The following RNF123 variants were observed in gnomAD, a reference collection of about 807,000 sequenced individuals.
RNF123 encodes E3 ubiquitin-protein ligase RNF123.
In RNF123, 86 loss-of-function variants were observed where a neutral mutation model predicts 168.5. The observed-to-expected ratio is 0.51, with a 90% CI of 0.43 to 0.61. The LOEUF is 0.61. RNF123 is among the 20% of genes least tolerant of loss of function. The pLI is 0.00. For synonymous variants in RNF123, 666 were observed against 689.1 expected, an observed-to-expected ratio of 0.97 and a Z score of 0.52; for missense variants, 1,419 against 1,729.7, an observed-to-expected ratio of 0.82 and a Z score of 3.19.
chr3:49,714,969 G>A (rs2080211086), intron 31 of RNF123, among the ~76,000 whole-genome samples: 1 of 152,282 alleles, frequency 6.6e-6, no homozygotes, highest in Non-Finnish European at 1.5e-5. Flanking sequence ...TGCAAGTGGA[G>A]AGCGGCAGTG....
chr3:49,712,437 C>A (rs1447552024), intron 26 of RNF123, 42 bp from the exon 27 acceptor site: 1 of 1,605,308 alleles, frequency 6.2e-7, no homozygotes, highest in Non-Finnish European at 8.5e-7. Context: ...CCCAAGACCC[C>A]ACTGGTGCGC....
At position 49,721,217 on chromosome 3, in the gene RNF123, A is replaced by C; in HGVS notation, c.3857A>C (p.Lys1286Thr). Residue 1286 changes from lysine to threonine, a missense_variant, in exon 39 of 39, where the codon AAG (lysine) becomes ACG (threonine). Transcript: ENST00000327697. ...ATCAACCAGCACCTGATGAACAACA[A>C]GGACTGCTTCTTCTGCAAAACCACC... ...ACINQHLMNN[K>T]DCFFCKTTIV... 6.2e-7 allele frequency: 1 copy of C among 1,614,200 alleles called. No individual in the cohort carries two copies. The highest frequency in any genetic ancestry group is 8.5e-7 in the Non-Finnish European group (1 of 1,180,022).
intron 33 of RNF123, 35 bp downstream of exon 33, chr3:49,716,045 G>A (rs1264189437): frequency 6.2e-7 from 1 of 1,613,600 alleles, no homozygotes; most frequent in Non-Finnish European, 8.5e-7. Context: ...TGGGACCCTG[G>A]GGATGCCCCA....
At position 49,698,814 on chromosome 3, in the gene RNF123, C is replaced by G; in HGVS notation, c.630C>G (p.Ser210=). The change falls in exon 9 of 39, where the codon TCC becomes TCG. Residue 210 remains serine, a synonymous_variant. Transcript: ENST00000327697. The part of the protein sequence containing the change: ...CLIDLDDGTL[S]FCLNGVSLGT... ...TTGACCTGGATGATGGCACTCTGTCCTTCTGCCTGTGAGTTTCCTATCTCT... is the reference window on the plus strand; with the variant it reads ...TTGACCTGGATGATGGCACTCTGTCGTTCTGCCTGTGAGTTTCCTATCTCT... 6.2e-7 allele frequency: 1 copy of G among 1,613,950 alleles called. No individual in the cohort carries two copies.
At chr3:49,691,600 G>A in intron 3 of RNF123, 91 bp downstream of exon 3, 1 of 992,276 alleles carries the variant, frequency 1.0e-6, no homozygotes, top group Middle Eastern at 2.4e-4. Flanking sequence ...CTGGGCTCTG[G>A]ACAGATAGGC....
intron 3 of RNF123, among the ~76,000 whole-genome samples, chr3:49,696,642 C>CTTTTT (rs35074575): frequency 1.7e-5 from 2 of 117,958 alleles, no homozygotes; most frequent in East Asian, 5.0e-4. Flanking sequence ...TGGCCACATA[C>CTTTTT]TTTTTTTTTT....
At position 49,715,711 on chromosome 3, in the gene RNF123, A is replaced by G. The variant is rs753419948; in HGVS notation, c.3147A>G (p.Gln1049=). The stretch of plus-strand genomic sequence containing the variant: ...TCTCTGAATTCATTGGCATGATCCA[A>G]GAGGTGGGCTGTGGTGGGGCCTCGT... ...WAFSEFIGMI[Q]EIQQAAERLE... is the part of the protein sequence containing the mutation. The change falls in exon 32 of 39, where the codon CAA becomes CAG. Residue 1049 remains glutamine (Q), a synonymous_variant. Transcript: ENST00000327697. The G allele has an allele frequency of 3.6e-5, 58 of 1,614,134 alleles. No individual in the cohort carries two copies. Among genetic ancestry groups the G allele is most frequent in the Non-Finnish European group, 4.8e-5 (57 of 1,180,060 alleles).
rs751762057 is a variant in RNF123 at position 49,706,052 on chromosome 3, G to A, written c.2375G>A (p.Arg792Gln). Residue 792 changes from arginine (R) to glutamine (Q), a missense_variant, in exon 25 of 39, where the codon CGG (arginine) becomes CAG (glutamine). By Grantham distance (43) the Arg-to-Gln change is conservative (BLOSUM62 1). Around this residue, in one of 5 missense-constraint regions of RNF123, gnomAD observed 538 missense variants for 708.8 expected, o/e 0.76. Coordinates refer to ENST00000327697, the MANE Select transcript of RNF123 (RefSeq NM_022064.5). Reference protein sequence around the residue: ...ALRDTEDKLRRCPKRRKDILA... With the variant: ...ALRDTEDKLRQCPKRRKDILA... The stretch of plus-strand genomic sequence containing the variant: ...AGGGACACAGAGGACAAGCTCCGCC[G>A]GTGCCCCAAGAGGGTAAGGCCCACA... 1.1e-5 allele frequency: 18 copies of A among 1,613,968 alleles called. No individual in the cohort carries two copies. The South Asian group carries it at 1.2e-4, about 11-fold the overall frequency.
intron 27 of RNF123, chr3:49,713,280 C>A: frequency 1.7e-6 from 1 of 597,184 alleles, no homozygotes. Context: ...GGGTTTGAGC[C>A]CAGGTCAGGG....
intron 26 of RNF123, among the ~76,000 whole-genome samples, chr3:49,709,838 G>A (rs905929316): frequency 2.6e-5 from 4 of 152,204 alleles, no homozygotes; most frequent in Non-Finnish European, 5.9e-5. Flanking sequence ...TTCCCAAAGT[G>A]CTGGGATTGC....
At chr3:49,713,232 A>G (rs1454020523) in intron 27 of RNF123, 2 of 589,314 alleles carry the variant, frequency 3.4e-6, no homozygotes, top group Admixed American at 3.0e-5. Flanking sequence ...TGAGTGCCCA[A>G]GGAGCTTTGA....
At chr3:49,717,743 G>C in intron 35 of RNF123, 1 of 630,250 alleles carries the variant, frequency 1.6e-6, no homozygotes, top group Non-Finnish European at 2.7e-6. Context: ...TGGGTCCTGT[G>C]CAGGGGCAGA....
rs976532206 is a variant in RNF123 at position 49,716,728 on chromosome 3, T to C, written c.3500+251T>C. 85 of 484,300 alleles carry C rather than the reference T, an allele frequency of 1.8e-4. No homozygotes were observed. The Middle Eastern group carries it at 6.7e-3, about 38-fold the overall frequency. 30.0% of individuals were successfully genotyped at this position (484,300 alleles called of 1,614,324 possible). On this transcript the variant is annotated intron_variant, in intron 35 of 38. Transcript: ENST00000327697. The stretch of plus-strand genomic sequence containing the variant: ...CCACAGAGCCACTGGCTTGTGGCCA[T>C]GCCTCAGGCCAGGCATGGGAGGCAG...
intron 21 of RNF123, among the ~76,000 whole-genome samples, chr3:49,704,166 G>A (rs2108187909): frequency 6.6e-6 from 1 of 152,304 alleles, no homozygotes; most frequent in Middle Eastern, 3.4e-3. Flanking sequence ...CCTGGGCGGG[G>A]GGCAGCGAAG....
chr3:49,695,031 C>G (rs2054240011), intron 3 of RNF123, among the ~76,000 whole-genome samples: 1 of 152,206 alleles, frequency 6.6e-6, no homozygotes, highest in African/African-American at 2.4e-5. Context: ...TGTCTCAGGC[C>G]GACTGCCCAC....
At chr3:49,701,309 T>G (rs1559675462) in intron 15 of RNF123, among the ~76,000 whole-genome samples, 182 bp from the exon 16 acceptor site, 1 of 152,216 alleles carries the variant, frequency 6.6e-6, no homozygotes, top group Non-Finnish European at 1.5e-5. Context: ...GCTGGTGGGC[T>G]TAACCACCAC....
chr3:49,699,066 A>C lies in RNF123; in HGVS notation c.725A>C (p.Lys242Thr). The C allele has an allele frequency of 6.2e-7, 1 of 1,613,830 alleles. No individual in the cohort carries two copies. The highest frequency in any genetic ancestry group is 8.5e-7 in the Non-Finnish European group (1 of 1,180,010). Residue 242 changes from lysine (K) to threonine (T), a missense_variant, in exon 10 of 39, where the codon AAG becomes ACG. Lys to Thr is a moderately conservative substitution (Grantham distance 78). Coordinates refer to ENST00000327697, the MANE Select transcript of RNF123 (RefSeq NM_022064.5). The surrounding 1 kb of genome is among the most constrained non-coding windows in gnomAD (Gnocchi z 4.8). ...AYFPAISLSF[K>T]ESVAFNFGSR... is the part of the protein sequence containing the mutation. ...TTCCCAGCCATCAGCCTCTCTTTCA[A>C]GGAGTCCGTGGCCTTCAACTTTGGC...
chr3:49,719,513 G>T, intron 35 of RNF123: 1 of 1,470,052 alleles, frequency 6.8e-7, no homozygotes. Flanking sequence ...GCAGGTTGCA[G>T]TTCCAGGACT....
At position 49,705,007 on chromosome 3, in the gene RNF123, TGGG is replaced by T. The variant is rs35072697; in HGVS notation, c.1987_1989del (p.Gly663del). On this transcript the variant is annotated inframe_deletion, in exon 23 of 39. Transcript: ENST00000327697. ...AGCGCCCCATGCAGGCCCTGGCTGT[TGGG>T]GGGCCACTGCCCCTGCCCCGGCCCG... 4.4e-6 allele frequency: 7 copies of T among 1,607,890 alleles called. No homozygotes were observed. The highest frequency in any genetic ancestry group is 1.1e-5 in the South Asian group (1 of 90,046).
Sources: gnomAD v4.1 joint callset for allele counts (sites outside exome capture counted in the v4.1 genomes callset) on GRCh38, gnomAD v4.1.1 for gene constraint, gnomAD v4.1.1 regional missense constraint, Gnocchi (gnomAD v3.1) non-coding constraint, MANE v1.5 for transcripts, NCBI Gene and HGNC (gene_info 2026-07-23, HGNC 2026-07-21) for gene names.